The following ALKBH3 variants were observed in gnomAD, a reference collection of about 807,000 sequenced individuals.
ALKBH3 encodes alpha-ketoglutarate-dependent dioxygenase alkB homolog 3.
In ALKBH3, 51 loss-of-function variants were observed where a neutral mutation model predicts 43.9. The observed-to-expected ratio is 1.16, with a 90% confidence interval of 0.93 to 1.47. ALKBH3 has a LOEUF of 1.47. Ranked by LOEUF, ALKBH3 falls within the 40% of genes most tolerant of loss-of-function variation. The pLI, the probability that ALKBH3 is intolerant of heterozygous loss-of-function variation, is 0.00. For missense variants in ALKBH3, 361 were observed against 351.9 expected, an observed-to-expected ratio of 1.03 and a Z score of -0.21; for synonymous variants, 102 against 115.2, an observed-to-expected ratio of 0.89 and a Z score of 0.73.
At chr11:43,892,585 G>A (rs183904001) in intron 7 of ALKBH3, among the ~76,000 whole-genome samples, 8 of 152,230 alleles carry the variant, frequency 5.3e-5, no homozygotes, top group East Asian at 3.9e-4. Context: ...TCAGACTTCC[G>A]TCTGATTTTG....
chr11:43,906,185 G>A (rs1951894827), intron 8 of ALKBH3, among the ~76,000 whole-genome samples: 1 of 152,200 alleles, frequency 6.6e-6, no homozygotes, highest in African/African-American at 2.4e-5. Flanking sequence ...TGCCAGGAGA[G>A]ATGATTGTAA....
At chr11:43,909,350 G>C (rs1476554828) in intron 8 of ALKBH3, 1 of 152,138 alleles carries the variant, frequency 6.6e-6, no homozygotes, top group East Asian at 1.9e-4. Flanking sequence ...TTGTGTTTAT[G>C]TCAGATTTTA....
Position 43,882,610 on chromosome 11 carries a change from C to A in ALKBH3, c.-43C>A, listed in dbSNP as rs760784166. 7 of 1,578,342 alleles carry A rather than the reference C, an allele frequency of 4.4e-6. No individual in the cohort carries two copies. The highest frequency in any genetic ancestry group is 6.0e-6 in the Non-Finnish European group (7 of 1,163,572). On this transcript the variant is annotated 5_prime_UTR_variant, in exon 2 of 10. Coordinates refer to ENST00000302708, the MANE Select transcript of ALKBH3 (RefSeq NM_139178.4). Reference sequence around the variant, plus strand: ...ACCATGGAGTAGTTTGAAACAGGAACAAAATCTTCTGAAAGCTCGGAGCAG... The same window carrying A: ...ACCATGGAGTAGTTTGAAACAGGAAAAAAATCTTCTGAAAGCTCGGAGCAG...
intron 1 of ALKBH3, 124 bp from the exon 2 acceptor site, chr11:43,882,459 A>T (rs954121762): frequency 1.7e-5 from 8 of 477,814 alleles, no homozygotes; most frequent in Non-Finnish European, 3.7e-6. Context: ...GTGATGACAT[A>T]AACTGATTTT....
At chr11:43,882,436 T>C in intron 1 of ALKBH3, 147 bp from the exon 2 acceptor site, 1 of 431,236 alleles carries the variant, frequency 2.3e-6, no homozygotes, top group Non-Finnish European at 4.1e-6. Context: ...CTAGGCTTCT[T>C]GAATGAAATG....
Position 43,901,796 on chromosome 11 carries a change from G to C in ALKBH3, c.669+71G>C, listed in dbSNP as rs1030795084. ...TGTGGAAAAAGTAGAACTCCTAAAAGCTTCTACTTTCAGATTTCGAGCATG... is the reference window on the plus strand; with the variant it reads ...TGTGGAAAAAGTAGAACTCCTAAAACCTTCTACTTTCAGATTTCGAGCATG... On this transcript the variant is annotated intron_variant, in intron 8 of 9. Transcript: ENST00000302708. 14 of 1,524,082 alleles carry C rather than the reference G, an allele frequency of 9.2e-6. No homozygotes were observed. The African/African-American group carries it at 1.8e-4, about 20-fold the overall frequency. 94.4% of individuals were successfully genotyped at this position (1,524,082 alleles called of 1,614,324 possible).
chr11:43,899,225 C>T (rs1029508105), intron 7 of ALKBH3: 18 of 747,886 alleles, frequency 2.4e-5, no homozygotes, highest in African/African-American at 1.2e-4. Flanking sequence ...GCAGTGGGGC[C>T]GTGACTACAG....
chr11:43,899,872 G>GAAA lies in ALKBH3; in HGVS notation c.460-1629_460-1627dup, dbSNP rs10636253. ...AATTAAAAGATTGACGTGGTCTCAG[G>GAAA]AAAAAAAAAAAAAAAAAGGAAACCA... On this transcript the variant is annotated intron_variant, in intron 7 of 9. Transcript: ENST00000302708. 1.4e-3 allele frequency among the ~76,000 whole-genome samples: 171 copies of GAAA among 121,894 alleles called. 2 individuals are homozygous for GAAA. Among genetic ancestry groups the GAAA allele is most frequent in the African/African-American group, 4.5e-3 (148 of 32,606 alleles). 80.0% of individuals were successfully genotyped at this position (121,894 alleles called of 152,430 possible). A position where few individuals can be genotyped will look rare whatever the true frequency, so the allele number is the denominator to read the frequency against.
chr11:43,911,194 G>T (rs1951936178), intron 8 of ALKBH3, among the ~76,000 whole-genome samples: 1 of 152,208 alleles, frequency 6.6e-6, no homozygotes, highest in African/African-American at 2.4e-5. Flanking sequence ...TCATCGCAGT[G>T]GGAGACTGCT....
At chr11:43,895,668 A>G (rs1951813614) in intron 7 of ALKBH3, among the ~76,000 whole-genome samples, 1 of 152,170 alleles carries the variant, frequency 6.6e-6, no homozygotes, top group South Asian at 2.1e-4. Context: ...TACAAGTAAA[A>G]CTATTTTCAT....
chr11:43,904,496 C>CT (rs1194693291), intron 8 of ALKBH3, among the ~76,000 whole-genome samples: 2 of 151,890 alleles, frequency 1.3e-5, no homozygotes, highest in East Asian at 1.9e-4. Flanking sequence ...AAAAAGTGAC[C>CT]TTTTTTCCCC....
chr11:43,906,414 T>C (rs920571969), intron 8 of ALKBH3, among the ~76,000 whole-genome samples: 1 of 152,228 alleles, frequency 6.6e-6, no homozygotes, highest in Non-Finnish European at 1.5e-5. Context: ...ATTTAGAAGT[T>C]AGATAAGCTA....
At chr11:43,892,610 T>G (rs1951792112) in intron 7 of ALKBH3, among the ~76,000 whole-genome samples, 1 of 152,284 alleles carries the variant, frequency 6.6e-6, no homozygotes, top group African/African-American at 2.4e-5. Flanking sequence ...GGCTTGTTTC[T>G]GCTGCTGCTT....
At chr11:43,886,706 T>G in intron 5 of ALKBH3, 53 bp downstream of exon 5, 1 of 1,550,696 alleles carries the variant, frequency 6.4e-7, no homozygotes, top group Non-Finnish European at 8.9e-7. Flanking sequence ...TTATAGTCTC[T>G]TAAAATAGTT....
rs537881865 is a variant in ALKBH3 at position 43,898,159 on chromosome 11, A to G, written c.460-3357A>G. The G allele has an allele frequency of 7.7e-5, 95 of 1,228,888 alleles. 2 individuals carry two copies. Among genetic ancestry groups the G allele is most frequent in the Non-Finnish European group, 9.2e-5 (76 of 829,786 alleles). 76.1% of individuals were successfully genotyped at this position (1,228,888 alleles called of 1,614,324 possible). ...TGATAACAAACTAGATGCTGACTAC[A>G]TCAAGAGATACCTGGGCGATTTGAC... On this transcript the variant is annotated intron_variant, in intron 7 of 9. Coordinates refer to ENST00000302708, the MANE Select transcript of ALKBH3 (RefSeq NM_139178.4).
chr11:43,919,367 T>C (rs1338683914), intron 9 of ALKBH3, among the ~76,000 whole-genome samples: 2 of 152,264 alleles, frequency 1.3e-5, no homozygotes, highest in African/African-American at 4.8e-5. Context: ...CTGTGCTGCC[T>C]ATTGTAGTAG....
At chr11:43,881,896 A>G (rs1166970066) in intron 1 of ALKBH3, among the ~76,000 whole-genome samples, 1 of 152,220 alleles carries the variant, frequency 6.6e-6, no homozygotes, top group Non-Finnish European at 1.5e-5. Flanking sequence ...GCTGTAGGCT[A>G]AGCTTTTACT....
intron 5 of ALKBH3, among the ~76,000 whole-genome samples, chr11:43,889,496 C>T (rs1034079230): frequency 1.3e-5 from 2 of 152,178 alleles, no homozygotes; most frequent in Admixed American, 6.5e-5. Flanking sequence ...CCTATCATCC[C>T]TTTATCCTTC....
At chr11:43,897,576 A>G in intron 7 of ALKBH3, 2 of 790,984 alleles carry the variant, frequency 2.5e-6, no homozygotes, top group South Asian at 1.3e-5. Flanking sequence ...GGGCAGTGAC[A>G]CTGTGAATGA....
Sources: gnomAD v4.1 joint callset for allele counts (sites outside exome capture counted in the v4.1 genomes callset) on GRCh38, gnomAD v4.1.1 for gene constraint, MANE v1.5 for transcripts, NCBI Gene and HGNC (gene_info 2026-07-23, HGNC 2026-07-21) for gene names.